KPNA6: variants seen among roughly 807,000 people sequenced by gnomAD.
The protein encoded by KPNA6 is karyopherin subunit alpha 6, also known as importin subunit alpha-7.
KPNA6 carries 9 observed loss-of-function variants against 72.0 expected under a neutral mutation model. The ratio of observed to expected loss-of-function variants is 0.13; its 90% CI spans 0.08 to 0.22. The LOEUF (loss-of-function observed/expected upper bound fraction) is 0.22. KPNA6 is among the 10% of genes least tolerant of loss of function. The probability of loss-of-function intolerance (pLI) is 1.00; values close to 1 mark genes in which losing one functional copy is unlikely to be tolerated. For missense variants in KPNA6, 374 were observed against 655.7 expected (o/e 0.57, Z 4.69); for synonymous variants, 219 against 242.1 (o/e 0.90, Z 0.89).
At chr1:32,169,469 C>T (rs1237567880) in intron 12 of KPNA6, among the ~76,000 whole-genome samples, 10 of 145,270 alleles carry the variant, frequency 6.9e-5, no homozygotes, top group Non-Finnish European at 1.0e-4. Context: ...TTTTTTGAGA[C>T]GGAGTCTCAC....
intron 1 of KPNA6, among the ~76,000 whole-genome samples, chr1:32,129,336 A>ATT (rs199767047): frequency 6.8e-6 from 1 of 146,888 alleles, no homozygotes; most frequent in African/African-American, 2.5e-5. Flanking sequence ...TAATTTTTGT[A>ATT]TTTTTTTTTA....
At chr1:32,126,043 T>G (rs1641529101) in intron 1 of KPNA6, among the ~76,000 whole-genome samples, 1 of 151,706 alleles carries the variant, frequency 6.6e-6, no homozygotes, top group Admixed American at 6.6e-5. Context: ...TTTCTTTTTA[T>G]TTTGTTTGTT....
chr1:32,153,333 A>G (rs1642071386), intron 1 of KPNA6, among the ~76,000 whole-genome samples: 1 of 152,124 alleles, frequency 6.6e-6, no homozygotes, highest in African/African-American at 2.4e-5. Flanking sequence ...TGGGAGGCCG[A>G]GGCAGGCAGT....
intron 1 of KPNA6, among the ~76,000 whole-genome samples, chr1:32,146,140 C>T (rs1641925297): frequency 3.9e-5 from 6 of 152,156 alleles, no homozygotes. Context: ...TTCAAGTCCT[C>T]TGTTACTTAT....
intron 1 of KPNA6, among the ~76,000 whole-genome samples, chr1:32,140,137 C>T (rs774675675): frequency 6.6e-6 from 1 of 152,130 alleles, no homozygotes; most frequent in Non-Finnish European, 1.5e-5. Flanking sequence ...GTAATCCCAG[C>T]ACTTTGGGAG....
chr1:32,140,782 TACA>T (rs1043085071), intron 1 of KPNA6, among the ~76,000 whole-genome samples: 1 of 152,186 alleles, frequency 6.6e-6, no homozygotes, highest in Non-Finnish European at 1.5e-5. Flanking sequence ...CTGGCAGAGT[TACA>T]ACAATACCCA....
chr1:32,112,855 AATCTTTGCTGGTGGAGGGTCTTACCTTG>A, intron 1 of KPNA6, among the ~76,000 whole-genome samples: 1 of 152,246 alleles, frequency 6.6e-6, no homozygotes, highest in South Asian at 2.1e-4. Flanking sequence ...GGTGAGCTGT[AATCTTTGCTGGTGGAGGGTCTTACCTTG>A]ATGTTGATGG....
intron 3 of KPNA6, 93 bp from the exon 4 acceptor site, chr1:32,157,253 G>A: frequency 1.0e-6 from 1 of 954,646 alleles, no homozygotes; most frequent in Non-Finnish European, 1.6e-6. Context: ...CTTGCCCTCA[G>A]TTTTTTAGAA....
Position 32,176,243 on chromosome 1 carries a change from C to G in KPNA6, c.*5349C>G, listed in dbSNP as rs2124115344. 1 of 152,098 alleles carries G rather than the reference C, an allele frequency of 6.6e-6. No individual in the cohort carries two copies. Among genetic ancestry groups the G allele is most frequent in the East Asian group, 1.9e-4 (1 of 5,176 alleles). The allele number at this position is 152,098 out of a possible 1,614,324, so 9.4% of individuals were successfully genotyped here. ...CCAGCCACTCAAGAGACTGGATATC[C>G]CCCGAGAATGGCTTGGGTTACCAGC... On this transcript the variant is annotated 3_prime_UTR_variant, in exon 14 of 14. Coordinates refer to ENST00000373625, the MANE Select transcript of KPNA6 (RefSeq NM_012316.5).
rs1642448384 is a variant in KPNA6, at chr1:32,172,054, T to C, written c.*1160T>C. The C allele has an allele frequency of 6.6e-6, 1 of 152,188 alleles. No homozygotes were observed. Among genetic ancestry groups the C allele is most frequent in the Admixed American group, 6.5e-5 (1 of 15,272 alleles). 9.4% of individuals were successfully genotyped at this position (152,188 alleles called of 1,614,324 possible). On this transcript the variant is annotated 3_prime_UTR_variant, in exon 14 of 14. Coordinates refer to ENST00000373625, the MANE Select transcript of KPNA6 (RefSeq NM_012316.5). Reference sequence around the variant, plus strand: ...AAGGAGAGAATGTCAAAAAGTTCTGTATTTTTTTATATTCTATATATTAGG... The same window carrying C: ...AAGGAGAGAATGTCAAAAAGTTCTGCATTTTTTTATATTCTATATATTAGG...
In KPNA6 at chr1:32,173,138, T is replaced by G. The variant is rs972279784; in HGVS notation, c.*2244T>G. 6 of 387,010 alleles carry G rather than the reference T, an allele frequency of 1.6e-5. No homozygotes were observed. The highest frequency in any genetic ancestry group is 3.6e-5 in the East Asian group (1 of 27,438). The allele number at this position is 387,010 out of a possible 1,614,324, so 24.0% of individuals were successfully genotyped here. The stretch of plus-strand genomic sequence containing the variant: ...GGCAGAATCTTTTTTTCACTTGGCC[T>G]GCTACCTCCATTAAAAAACCATTCT... On this transcript the variant is annotated 3_prime_UTR_variant, in exon 14 of 14. Coordinates refer to ENST00000373625, the MANE Select transcript of KPNA6 (RefSeq NM_012316.5).
Position 32,173,974 on chromosome 1 carries a change from C to T in KPNA6, c.*3080C>T, listed in dbSNP as rs1642484286. On this transcript the variant is annotated 3_prime_UTR_variant, in exon 14 of 14. Transcript: ENST00000373625. ...CTTTTTTGAATGGTGCCAGCCCCTC[C>T]AGGCATCCCACCCCCAAATCATCAT... The T allele has an allele frequency of 6.6e-6, 1 of 152,514 alleles. No homozygotes were observed. Among genetic ancestry groups the T allele is most frequent in the African/African-American group, 2.4e-5 (1 of 41,460 alleles). 9.4% of individuals were successfully genotyped at this position (152,514 alleles called of 1,614,324 possible).
chr1:32,157,738 A>G (rs1221792696), intron 4 of KPNA6, among the ~76,000 whole-genome samples: 2 of 151,992 alleles, frequency 1.3e-5, no homozygotes, highest in Non-Finnish European at 2.9e-5. Flanking sequence ...TCCCCCCATT[A>G]TATTTATCTT....
intron 12 of KPNA6, among the ~76,000 whole-genome samples, chr1:32,167,868 A>G: frequency 6.6e-6 from 1 of 150,956 alleles, no homozygotes; most frequent in East Asian, 1.9e-4. Flanking sequence ...AAAAAAAAAA[A>G]CAAAAAAAAA....
Position 32,163,316 on chromosome 1 carries a change from A to G in KPNA6, c.990+3A>G. The G allele has an allele frequency of 6.2e-7, 1 of 1,607,048 alleles. No homozygotes were observed. The highest frequency in any genetic ancestry group is 8.5e-7 in the Non-Finnish European group (1 of 1,175,020). On this transcript the variant is annotated splice_donor_region_variant and intron_variant, in intron 10 of 13. Transcript: ENST00000373625. ...CTGGGGATGACATCCAGACCCAGGTAAGAAAGAGGAGGGTGCAGGATCTTA... is the reference window on the plus strand; with the variant it reads ...CTGGGGATGACATCCAGACCCAGGTGAGAAAGAGGAGGGTGCAGGATCTTA...
intron 5 of KPNA6, 85 bp downstream of exon 5, chr1:32,158,446 G>T: frequency 1.3e-6 from 1 of 772,438 alleles, no homozygotes; most frequent in South Asian, 1.7e-5. Flanking sequence ...GGATACATGA[G>T]ATGTTTTGAC....
intron 1 of KPNA6, among the ~76,000 whole-genome samples, chr1:32,132,134 C>G (rs911822680): frequency 4.6e-5 from 7 of 151,770 alleles, no homozygotes; most frequent in Non-Finnish European, 5.9e-5. Context: ...CCATACCCGG[C>G]TAATATTTGT....
Position 32,160,750 on chromosome 1 carries a change from C to T in KPNA6, c.647+47C>T, listed in dbSNP as rs150179311. On this transcript the variant is annotated intron_variant, in intron 7 of 13. Coordinates refer to ENST00000373625, the MANE Select transcript of KPNA6 (RefSeq NM_012316.5). ...TACCTGGGCGTCTACTGGGTGGCCACGTGGCAGGTCATTTGGGGGCAGCAT... is the reference window on the plus strand; with the variant it reads ...TACCTGGGCGTCTACTGGGTGGCCATGTGGCAGGTCATTTGGGGGCAGCAT... The T allele has an allele frequency of 7.7e-5, 106 of 1,382,342 alleles. No homozygotes were observed. In the African/African-American group the frequency reaches 1.1e-3, roughly 15 times the overall value. The allele number at this position is 1,382,342 out of a possible 1,614,324, so 85.6% of individuals were successfully genotyped here.
intron 1 of KPNA6, among the ~76,000 whole-genome samples, chr1:32,136,301 G>A (rs1641735054): frequency 6.6e-6 from 1 of 151,818 alleles, no homozygotes; most frequent in African/African-American, 2.4e-5. Context: ...CTCCCAAGTA[G>A]CTGGGATTAT....
Sources: allele counts gnomAD v4.1 joint callset (sites outside exome capture counted in the v4.1 genomes callset), GRCh38; gene constraint gnomAD v4.1.1; transcripts MANE v1.5; gene names NCBI Gene and HGNC (gene_info 2026-07-23, HGNC 2026-07-21).